SASH1: variants seen among roughly 807,000 people sequenced by gnomAD.
SASH1 encodes SAM and SH3 domain containing 1.
A neutral mutation model predicts 125.2 loss-of-function variants in SASH1; 44 were observed. That is an observed-to-expected ratio of 0.35 (90% CI 0.28 to 0.45). The LOEUF is 0.45. SASH1 is among the 20% of genes least tolerant of loss of function. SASH1 has a pLI of 1.00. For missense variants in SASH1, 1,426 were observed against 1,614.5 expected (o/e 0.88, Z 2.00); for synonymous variants, 639 against 649.1 (o/e 0.98, Z 0.24).
chr6:148,406,878 C>A (rs747090711), intron 2 of SASH1, among the ~76,000 whole-genome samples: 1 of 150,594 alleles, frequency 6.6e-6, no homozygotes, highest in Non-Finnish European at 1.5e-5. Flanking sequence ...AAGGGAGGAG[C>A]AGAGAGAATC....
intron 2 of SASH1, among the ~76,000 whole-genome samples, chr6:148,418,162 A>G (rs1386156364): frequency 1.3e-5 from 2 of 152,224 alleles, no homozygotes; most frequent in East Asian, 3.8e-4. Flanking sequence ...AATTTTGACA[A>G]CATCTAGGTG....
the SASH1 span, among the ~76,000 whole-genome samples, chr6:148,219,480 C>A: frequency 1.3e-5 from 2 of 152,186 alleles, no homozygotes; most frequent in South Asian, 4.1e-4. Flanking sequence ...CAGCTGCATG[C>A]ATTATCTCCT....
rs959625286 is a variant in SASH1 at position 148,544,800 on chromosome 6, G to C, written c.3330G>C (p.Glu1110Asp). 5 of 1,593,730 alleles carry C rather than the reference G, an allele frequency of 3.1e-6. No homozygotes were observed. In the Admixed American group the frequency reaches 8.9e-5, roughly 28 times the overall value. The change falls in exon 18 of 20, where the codon GAG becomes GAC. Residue 1110 changes from glutamate (E) to aspartate (D), a missense_variant. Transcript: ENST00000367467. The surrounding 1 kb of genome is among the most constrained non-coding windows in gnomAD (Gnocchi z 6.4). ...KLHAEGIDLT[E>D]EPYSDKHGRC... ...ACGCTGAAGGCATCGATCTCACGGA[G>C]GAGCCGTATTCTGATAAGGTATCAA...
upstream of SASH1, among the ~76,000 whole-genome samples, chr6:148,338,130 T>A (rs1188405181): frequency 1.3e-5 from 2 of 150,116 alleles, no homozygotes; most frequent in Non-Finnish European, 3.0e-5. Flanking sequence ...ACTTTTAAAA[T>A]AATCAGTTTG....
At chr6:148,453,145 A>G (rs1777184944) in intron 4 of SASH1, among the ~76,000 whole-genome samples, 1 of 152,182 alleles carries the variant, frequency 6.6e-6, no homozygotes, top group Non-Finnish European at 1.5e-5. Context: ...CGACCCGGAC[A>G]CAGCTTGAGT....
chr6:148,278,429 T>G (rs113666782), intron 1 of SASH1, among the ~76,000 whole-genome samples: 1,940 of 152,302 alleles, frequency 0.013, 28 homozygotes, highest in Non-Finnish European at 0.02. Context: ...TAAAAACTCA[T>G]TCATGCAAAA....
intron 1 of SASH1, among the ~76,000 whole-genome samples, chr6:148,351,877 T>A (rs1386427687): frequency 6.6e-6 from 1 of 152,108 alleles, no homozygotes; most frequent in African/African-American, 2.4e-5. Context: ...AGGAATACTC[T>A]AGTTCAAGAA....
In SASH1 at chr6:148,302,341, A is replaced by AAAAAT. The variant is rs34513109; in HGVS notation, n.74+29964_74+29965insAAAAT. On this transcript the variant is annotated intron_variant and non_coding_transcript_variant, in intron 1 of 3. Transcript: ENST00000367469. ...AAAAAAAAAAAAAAAAAAAAAAAAA[A>AAAAAT]CTAGTAATATTATGACCTTGGTTAA... is the stretch of plus-strand genomic sequence containing the variant. 7.2e-3 allele frequency among the ~76,000 whole-genome samples: 751 copies of AAAAAT among 104,422 alleles called. 180 individuals are homozygous for AAAAAT. The highest frequency in any genetic ancestry group is 0.011 in the East Asian group (28 of 2,568). 68.5% of individuals were successfully genotyped at this position (104,422 alleles called of 152,430 possible). A position where few individuals can be genotyped will look rare whatever the true frequency, so the allele number is the denominator to read the frequency against.
intron 1 of SASH1, among the ~76,000 whole-genome samples, chr6:148,358,606 G>A (rs909482427): frequency 2.6e-5 from 4 of 152,070 alleles, no homozygotes; most frequent in African/African-American, 9.7e-5. Context: ...TAGGGATATG[G>A]CCAGACTCTT....
At chr6:148,496,617 T>G (rs1583254838) in intron 8 of SASH1, among the ~76,000 whole-genome samples, 1 of 152,318 alleles carries the variant, frequency 6.6e-6, no homozygotes, top group East Asian at 1.9e-4. Context: ...ATTGGCTGGG[T>G]GTGGTGGCCC....
intron 4 of SASH1, among the ~76,000 whole-genome samples, chr6:148,444,364 G>C (rs879660337): frequency 6.6e-6 from 1 of 152,236 alleles, no homozygotes; most frequent in African/African-American, 2.4e-5. Flanking sequence ...GGGGGAGGGA[G>C]AGAGACAAGC....
At chr6:148,289,934 C>T (rs1779584435) in intron 1 of SASH1, among the ~76,000 whole-genome samples, 1 of 136,156 alleles carries the variant, frequency 7.3e-6, no homozygotes, top group African/African-American at 2.8e-5. Context: ...GTGGCACAGT[C>T]TCAGCTCACT....
At chr6:148,425,367 C>T (rs1453114855) in intron 2 of SASH1, among the ~76,000 whole-genome samples, 4 of 151,956 alleles carry the variant, frequency 2.6e-5, no homozygotes, top group African/African-American at 7.3e-5. Flanking sequence ...TAGAAATTGC[C>T]GTATTTCTGT....
intron 1 of SASH1, among the ~76,000 whole-genome samples, chr6:148,317,396 G>A (rs578184707): frequency 1.1e-4 from 16 of 152,310 alleles, no homozygotes; most frequent in Non-Finnish European, 2.1e-4. Context: ...TATTATTTAG[G>A]AGGTTTGAGA....
At position 148,544,322 on chromosome 6, in the gene SASH1, A is replaced by C. The variant is rs762018536; in HGVS notation, c.2852A>C (p.His951Pro). Residue 951 changes from histidine to proline, a missense_variant, in exon 18 of 20, where the codon CAC (histidine) becomes CCC (proline). By Grantham distance (77) the His-to-Pro change is moderately conservative. This residue lies in a region of SASH1 where 634 missense variants were observed against 694.4 expected (regional missense o/e 0.91). Coordinates refer to ENST00000367467, the MANE Select transcript of SASH1 (RefSeq NM_015278.5). The surrounding 1 kb of genome is among the most constrained non-coding windows in gnomAD (Gnocchi z 6.4). ...HGLARTPLEG[H>P]RKGHEFEGTH... ...TTAGCAAGGACGCCTCTGGAGGGCC[A>C]CAGAAAAGGACACGAGTTTGAAGGA... 1.2e-6 allele frequency: 2 copies of C among 1,614,050 alleles called. No homozygotes were observed. The highest frequency in any genetic ancestry group is 2.7e-5 in the African/African-American group (2 of 74,918).
At chr6:148,341,753 T>C (rs183387664), upstream of SASH1, among the ~76,000 whole-genome samples, 66 of 150,484 alleles carry the variant, frequency 4.4e-4, 1 homozygote, top group African/African-American at 1.4e-3. Context: ...CAGGGCTCTC[T>C]CCCTGGGGCA....
At chr6:148,374,504 A>G (rs1279381374) in intron 1 of SASH1, among the ~76,000 whole-genome samples, 1 of 152,226 alleles carries the variant, frequency 6.6e-6, no homozygotes, top group African/African-American at 2.4e-5. Flanking sequence ...TCTCACAGTA[A>G]CTGGGTTAGG....
At chr6:148,425,683 C>CCTCCCCTCCCCTCCCCTT in intron 2 of SASH1, among the ~76,000 whole-genome samples, 1 of 132,832 alleles carries the variant, frequency 7.5e-6, no homozygotes, top group African/African-American at 2.8e-5. Context: ...TTCTCTTTCC[C>CCTCCCCTCCCCTCCCCTT]CTCCCCTCCC....
chr6:148,235,932 G>A, the SASH1 span, among the ~76,000 whole-genome samples: 3 of 152,114 alleles, frequency 2.0e-5, no homozygotes, highest in Non-Finnish European at 4.4e-5. Flanking sequence ...CAGAGACACT[G>A]TAGGCTAGTT....
Sources: gnomAD v4.1 joint callset for allele counts (sites outside exome capture counted in the v4.1 genomes callset) on GRCh38, gnomAD v4.1.1 for gene constraint, gnomAD v4.1.1 regional missense constraint, Gnocchi (gnomAD v3.1) non-coding constraint, MANE v1.5 for transcripts, NCBI Gene and HGNC (gene_info 2026-07-23, HGNC 2026-07-21) for gene names.